Variants in PSD3 observed in about 807,000 individuals in gnomAD.
PSD3 encodes the protein pleckstrin and Sec7 domain containing 3.
Under a neutral mutation model 105.5 loss-of-function variants are expected in PSD3, and 49 were observed. The ratio of observed to expected loss-of-function variants is 0.46; its 90% CI spans 0.37 to 0.59. PSD3 has a LOEUF of 0.59. Ranked by LOEUF, PSD3 falls within the 20% of genes least tolerant of loss-of-function variation. PSD3 has a pLI of 0.00. For synonymous variants in PSD3, 557 were observed against 457.8 expected (o/e 1.22, Z -2.77); for missense variants, 1,561 against 1,263.8 (o/e 1.24, Z -3.57).
chr8:18,816,462 T>C (rs956057651), intron 4 of PSD3, among the ~76,000 whole-genome samples: 1 of 152,204 alleles, frequency 6.6e-6, no homozygotes, highest in African/African-American at 2.4e-5. Context: ...CCGATATTAC[T>C]ACAGGTTATA....
chr8:18,804,910 G>A lies in PSD3; in HGVS notation c.1635-12C>T, dbSNP rs202102574. The A allele has an allele frequency of 2.0e-5, 31 of 1,555,320 alleles. No individual in the cohort carries two copies. In the African/African-American group the frequency reaches 4.1e-4, roughly 21 times the overall value. On this transcript the variant is annotated splice_polypyrimidine_tract_variant and intron_variant, in intron 4 of 15. Coordinates refer to ENST00000327040, the MANE Select transcript of PSD3 (RefSeq NM_015310.4). Reference sequence around the variant, plus strand: ...TCACCCCAGCATTGCTATGATAATTGATAAAGAGAGAAAATAATAGATTTT... The same window carrying A: ...TCACCCCAGCATTGCTATGATAATTAATAAAGAGAGAAAATAATAGATTTT...
At chr8:19,005,193 A>T (rs1451983962) in intron 1 of PSD3, among the ~76,000 whole-genome samples, 3 of 152,024 alleles carry the variant, frequency 2.0e-5, no homozygotes, top group Non-Finnish European at 2.9e-5. Context: ...CAAAAGTGGA[A>T]ACAACCCATC....
chr8:18,936,138 T>C lies in PSD3; in HGVS notation c.26A>G (p.Glu9Gly). 1 of 1,607,100 alleles carries C rather than the reference T, an allele frequency of 6.2e-7. No homozygotes were observed. The highest frequency in any genetic ancestry group is 8.5e-7 in the Non-Finnish European group (1 of 1,175,230). Reference protein sequence around the residue: MEGRSAAAETFVWVNNASA... With the variant: MEGRSAAAGTFVWVNNASA... Reference sequence around the variant, plus strand: ...TGCATTGTTCACCCAAACAAATGTCTCTGCCTGCAAAATAAGAACAAAACA... The same window carrying C: ...TGCATTGTTCACCCAAACAAATGTCCCTGCCTGCAAAATAAGAACAAAACA... Residue 9 changes from glutamate to glycine, a missense_variant, in exon 2 of 16, where the codon GAG becomes GGG. Physicochemically the swap from Glu to Gly is moderately conservative, Grantham distance 98. Coordinates refer to ENST00000327040, the MANE Select transcript of PSD3 (RefSeq NM_015310.4).
At chr8:18,741,986 C>CT in intron 9 of PSD3, among the ~76,000 whole-genome samples, 1 of 151,902 alleles carries the variant, frequency 6.6e-6, no homozygotes, top group Middle Eastern at 3.4e-3. Flanking sequence ...TTTAAGAAAC[C>CT]AGGATGAAAA....
At chr8:18,759,459 G>T (rs2129442136) in intron 9 of PSD3, among the ~76,000 whole-genome samples, 1 of 152,100 alleles carries the variant, frequency 6.6e-6, no homozygotes, top group South Asian at 2.1e-4. Context: ...ATTTTGTTTT[G>T]TTGTTTCTGT....
chr8:18,972,884 G>C (rs1193442525), intron 1 of PSD3, among the ~76,000 whole-genome samples: 1 of 152,160 alleles, frequency 6.6e-6, no homozygotes, highest in Non-Finnish European at 1.5e-5. Flanking sequence ...AGCATCACTG[G>C]GCAAGTAGGT....
intron 9 of PSD3, among the ~76,000 whole-genome samples, chr8:18,656,448 T>C (rs1272233182): frequency 7.3e-6 from 1 of 136,892 alleles, no homozygotes; most frequent in Non-Finnish European, 1.6e-5. Context: ...AAGCCAGACA[T>C]GGAAAAGCAT....
At chr8:19,002,282 C>T (rs1490219060) in intron 1 of PSD3, among the ~76,000 whole-genome samples, 2 of 152,034 alleles carry the variant, frequency 1.3e-5, no homozygotes, top group Non-Finnish European at 2.9e-5. Context: ...AAGGCGACAA[C>T]TCCCCCGTCT....
intron 10 of PSD3, among the ~76,000 whole-genome samples, chr8:18,636,552 G>A (rs892873192): frequency 6.6e-6 from 1 of 152,078 alleles, no homozygotes; most frequent in Non-Finnish European, 1.5e-5. Flanking sequence ...TAATGTCGTA[G>A]GCTTTCAAAT....
chr8:18,904,879 G>C (rs1055830682), intron 2 of PSD3, among the ~76,000 whole-genome samples: 1 of 152,166 alleles, frequency 6.6e-6, no homozygotes, highest in South Asian at 2.1e-4. Context: ...ATAGGATTTA[G>C]CCCAAGGGCC....
At chr8:18,637,226 GCT>G (rs1807320657) in intron 10 of PSD3, among the ~76,000 whole-genome samples, 1 of 152,160 alleles carries the variant, frequency 6.6e-6, no homozygotes. Flanking sequence ...TTATGGGTGA[GCT>G]CTTTTTTTCT....
chr8:19,035,966 G>C (rs1827930318), intron 1 of PSD3, among the ~76,000 whole-genome samples: 2 of 152,060 alleles, frequency 1.3e-5, no homozygotes, highest in African/African-American at 4.8e-5. Flanking sequence ...TGTTGCCCAG[G>C]CTAGTCTTGA....
intron 12 of PSD3, among the ~76,000 whole-genome samples, chr8:18,595,980 C>T (rs1047308113): frequency 2.0e-5 from 3 of 152,008 alleles, no homozygotes; most frequent in Non-Finnish European, 2.9e-5. Context: ...ATGGAACATT[C>T]TCTGGGATAG....
At chr8:19,006,897 T>C (rs190404136) in intron 1 of PSD3, among the ~76,000 whole-genome samples, 1 of 152,144 alleles carries the variant, frequency 6.6e-6, no homozygotes, top group Middle Eastern at 3.4e-3. Flanking sequence ...TTATTCACTG[T>C]GATACTAGGC....
At chr8:18,922,403 A>T (rs1821081720) in intron 2 of PSD3, among the ~76,000 whole-genome samples, 2 of 152,200 alleles carry the variant, frequency 1.3e-5, no homozygotes, top group Non-Finnish European at 2.9e-5. Context: ...GTCTGTGGAG[A>T]TTAAAGTTCT....
chr8:18,717,398 T>C (rs1263051492), intron 9 of PSD3, among the ~76,000 whole-genome samples: 1 of 152,194 alleles, frequency 6.6e-6, no homozygotes, highest in Non-Finnish European at 1.5e-5. Context: ...ACTATTATGC[T>C]TCTGCCAGGA....
chr8:18,754,844 T>C (rs764188966), intron 9 of PSD3, among the ~76,000 whole-genome samples: 26 of 152,174 alleles, frequency 1.7e-4, no homozygotes, highest in Non-Finnish European at 3.7e-4. Context: ...TTTGACTATA[T>C]AATTATAAAT....
intron 15 of PSD3, among the ~76,000 whole-genome samples, chr8:18,552,743 C>T (rs890204137): frequency 1.3e-5 from 2 of 152,158 alleles, no homozygotes; most frequent in East Asian, 3.8e-4. Context: ...GTGAGTTTCT[C>T]AATGTAGACT....
At chr8:19,038,971 T>G (rs1828035782) in intron 1 of PSD3, among the ~76,000 whole-genome samples, 1 of 152,184 alleles carries the variant, frequency 6.6e-6, no homozygotes, top group Non-Finnish European at 1.5e-5. Context: ...TGCTGAAGTC[T>G]GGGTCCAAAT....
Sources: gnomAD v4.1 joint callset for allele counts (sites outside exome capture counted in the v4.1 genomes callset) on GRCh38, gnomAD v4.1.1 for gene constraint, MANE v1.5 for transcripts, NCBI Gene and HGNC (gene_info 2026-07-23, HGNC 2026-07-21) for gene names.